GOLPH3L: variants seen among roughly 807,000 people sequenced by gnomAD.
The protein encoded by GOLPH3L is Golgi phosphoprotein 3-like.
GOLPH3L carries 22 observed loss-of-function variants against 30.3 expected under a neutral mutation model. The ratio of observed to expected loss-of-function variants is 0.73; its 90% confidence interval spans 0.52 to 1.04. GOLPH3L has a LOEUF of 1.04. GOLPH3L is among the 50% of genes least tolerant of loss of function. The pLI, the probability that GOLPH3L is intolerant of heterozygous loss-of-function variation, is 0.00. For missense variants in GOLPH3L, 303 were observed against 345.8 expected, an observed-to-expected ratio of 0.88 and a Z score of 0.98; for synonymous variants, 120 against 128.2, an observed-to-expected ratio of 0.94 and a Z score of 0.43.
chr1:150,656,856 C>T (rs975146439), intron 4 of GOLPH3L, among the ~76,000 whole-genome samples: 1 of 152,152 alleles, frequency 6.6e-6, no homozygotes, highest in African/African-American at 2.4e-5. Flanking sequence ...GAAACTGTTT[C>T]AATTTTTGAA....
intron 2 of GOLPH3L, among the ~76,000 whole-genome samples, chr1:150,678,192 G>A (rs866289906): frequency 2.7e-5 from 4 of 147,870 alleles, no homozygotes; most frequent in South Asian, 4.4e-4. Context: ...CCAGCTACTC[G>A]GGAGGCTGAG....
At chr1:150,679,880 A>C (rs1323808427) in intron 2 of GOLPH3L, among the ~76,000 whole-genome samples, 2 of 152,182 alleles carry the variant, frequency 1.3e-5, no homozygotes, top group East Asian at 3.8e-4. Context: ...TGAAGCAGGC[A>C]GATCACTTGA....
intron 2 of GOLPH3L, among the ~76,000 whole-genome samples, chr1:150,666,018 ATCTT>A (rs1028155418): frequency 1.2e-4 from 18 of 152,060 alleles, no homozygotes; most frequent in African/African-American, 4.1e-4. Context: ...TGAGAAATCT[ATCTT>A]TCTTATTGAT....
At chr1:150,678,956 G>C (rs1314994975) in intron 2 of GOLPH3L, among the ~76,000 whole-genome samples, 2 of 152,120 alleles carry the variant, frequency 1.3e-5, no homozygotes, top group South Asian at 2.1e-4. Context: ...AAAACAAAAA[G>C]TTTAAGAATA....
At chr1:150,695,223 G>A (rs113715776) in intron 1 of GOLPH3L, among the ~76,000 whole-genome samples, 7 of 152,072 alleles carry the variant, frequency 4.6e-5, no homozygotes, top group East Asian at 3.9e-4. Flanking sequence ...TGCAACCTCC[G>A]CTTCCCAGGT....
At chr1:150,671,730 T>C (rs1650649227) in intron 2 of GOLPH3L, among the ~76,000 whole-genome samples, 2 of 134,750 alleles carry the variant, frequency 1.5e-5, no homozygotes, top group East Asian at 4.5e-4. Flanking sequence ...CGCTTGAACC[T>C]GGGAGGCGGA....
At position 150,674,587 on chromosome 1, in the gene GOLPH3L, G is replaced by A. The variant is rs78937281; in HGVS notation, c.184-10824C>T. Among the ~76,000 whole-genome samples the A allele has an allele frequency of 8.1e-3, 1,224 of 151,930 alleles. 9 individuals carry two copies. Among genetic ancestry groups the A allele is most frequent in the Non-Finnish European group, 0.011 (733 of 67,942 alleles). On this transcript the variant is annotated intron_variant, in intron 2 of 4. Transcript: ENST00000271732. ...CTTTTTCTTTTTTTTAAAGAGATGA[G>A]GTCTTGGCCTGGTATGGTGGCTCCT...
At chr1:150,662,075 A>T in intron 3 of GOLPH3L, 147 bp from the exon 4 acceptor site, 1 of 597,422 alleles carries the variant, frequency 1.7e-6, no homozygotes, top group Non-Finnish European at 3.0e-6. Context: ...AGAAGTTTAA[A>T]ATATAGTATG....
intron 2 of GOLPH3L, among the ~76,000 whole-genome samples, chr1:150,677,750 T>C (rs587758848): frequency 1.5e-4 from 22 of 151,570 alleles, no homozygotes; most frequent in Admixed American, 7.2e-4. Flanking sequence ...CTCAGCCTCC[T>C]AAGTGGATGG....
intron 2 of GOLPH3L, among the ~76,000 whole-genome samples, chr1:150,684,666 ATTATT>A (rs1389389398): frequency 6.6e-6 from 1 of 151,876 alleles, no homozygotes; most frequent in Non-Finnish European, 1.5e-5. Flanking sequence ...TTCTGATGTG[ATTATT>A]TTAATTTTTT....
intron 4 of GOLPH3L, among the ~76,000 whole-genome samples, chr1:150,650,350 C>T (rs1440270430): frequency 1.3e-5 from 2 of 152,224 alleles, no homozygotes; most frequent in Non-Finnish European, 2.9e-5. Flanking sequence ...GAGAAACAGA[C>T]TTCAGAGAGC....
intron 2 of GOLPH3L, among the ~76,000 whole-genome samples, chr1:150,667,918 T>A (rs1650547422): frequency 1.3e-5 from 2 of 151,996 alleles, no homozygotes; most frequent in Non-Finnish European, 2.9e-5. Context: ...TTGGCCTCTT[T>A]CCCCTATTGG....
intron 2 of GOLPH3L, among the ~76,000 whole-genome samples, chr1:150,681,516 G>A (rs1650946961): frequency 2.6e-5 from 4 of 152,224 alleles, no homozygotes; most frequent in Admixed American, 6.5e-5. Context: ...GTGGTAAGTA[G>A]ACTAAGCAGC....
chr1:150,662,961 T>C (rs181240541), intron 3 of GOLPH3L, among the ~76,000 whole-genome samples: 108 of 152,244 alleles, frequency 7.1e-4, no homozygotes, highest in Admixed American at 1.2e-3. Context: ...CAGAATATTA[T>C]TGGAGAATAA....
chr1:150,663,794 T>C (rs1166956982), intron 2 of GOLPH3L, 31 bp from the exon 3 acceptor site: 4 of 1,594,216 alleles, frequency 2.5e-6, no homozygotes, highest in East Asian at 2.2e-5. Context: ...AGAGAAAGAA[T>C]GTTTTGAGAG....
rs1414073000 is a variant in GOLPH3L, at chr1:150,668,530, G to A, written c.184-4767C>T. Among the ~76,000 whole-genome samples, 6 of 152,184 alleles carry A rather than the reference G, an allele frequency of 3.9e-5. No individual in the cohort carries two copies. In the South Asian group the frequency reaches 8.3e-4, roughly 21 times the overall value. ...CCCAAGTAGTTGGGACTACAGGCGCGTGCCACCACACCCAGCTAATATTTG... is the reference window on the plus strand; with the variant it reads ...CCCAAGTAGTTGGGACTACAGGCGCATGCCACCACACCCAGCTAATATTTG... On this transcript the variant is annotated intron_variant, in intron 2 of 4. Coordinates refer to ENST00000271732, the MANE Select transcript of GOLPH3L (RefSeq NM_018178.6).
intron 4 of GOLPH3L, among the ~76,000 whole-genome samples, chr1:150,651,642 C>CAAAAA (rs59940841): frequency 1.6e-4 from 10 of 60,822 alleles, no homozygotes; most frequent in Non-Finnish European, 2.1e-4. Flanking sequence ...GAGCGAAACT[C>CAAAAA]AAAAAAAAAA....
chr1:150,686,349 G>C (rs2101816545), intron 2 of GOLPH3L, among the ~76,000 whole-genome samples: 1 of 152,180 alleles, frequency 6.6e-6, no homozygotes, highest in African/African-American at 2.4e-5. Context: ...TGAGTAGCTG[G>C]GACTATAGGT....
intron 3 of GOLPH3L, 23 bp from the exon 4 acceptor site, chr1:150,661,951 G>T (rs754362829): frequency 1.1e-5 from 11 of 978,950 alleles, no homozygotes. Flanking sequence ...GAGAAAGAAG[G>T]AACCCTGATT....
Sources: gnomAD v4.1 joint callset for allele counts (sites outside exome capture counted in the v4.1 genomes callset) on GRCh38, gnomAD v4.1.1 for gene constraint, MANE v1.5 for transcripts, NCBI Gene and HGNC (gene_info 2026-07-23, HGNC 2026-07-21) for gene names.